Variants in SLC14A2 observed in about 807,000 individuals in gnomAD.
SLC14A2 encodes the protein solute carrier family 14 member 2.
A neutral mutation model predicts 104.6 loss-of-function variants in SLC14A2; 91 were observed. That is an observed-to-expected ratio of 0.87 (90% CI 0.73 to 1.04). The LOEUF is 1.04. Among genes scored for constraint, SLC14A2 ranks in the 50% least tolerant of loss-of-function variants. The pLI, the probability that SLC14A2 is intolerant of heterozygous loss-of-function variation, is 0.00. For synonymous variants in SLC14A2, 476 were observed against 466.4 expected (o/e 1.02, Z -0.27); for missense variants, 1,189 against 1,156.0 (o/e 1.03, Z -0.41).
chr18:45,285,427 T>C (rs1411512024), intron 1 of SLC14A2, among the ~76,000 whole-genome samples: 8 of 150,884 alleles, frequency 5.3e-5, no homozygotes, highest in Admixed American at 5.3e-4. Flanking sequence ...ACAGATTAAA[T>C]TTTTTTTTTG....
the SLC14A2 span, among the ~76,000 whole-genome samples, chr18:45,178,293 A>G: frequency 6.6e-6 from 1 of 152,242 alleles, no homozygotes; most frequent in South Asian, 2.1e-4. Context: ...CTTAAGCACT[A>G]GAATTCAGTC....
At chr18:45,679,152 A>G (rs1202829522) in intron 19 of SLC14A2, 128 bp downstream of exon 19, 4 of 832,386 alleles carry the variant, frequency 4.8e-6, no homozygotes, top group Middle Eastern at 2.3e-4. Flanking sequence ...ATTTCAAGTC[A>G]CACTACTCAC....
chr18:45,538,251 A>G (rs2043825601), intron 2 of SLC14A2, among the ~76,000 whole-genome samples: 1 of 152,134 alleles, frequency 6.6e-6, no homozygotes, highest in Admixed American at 6.5e-5. Flanking sequence ...GATGCAGGAG[A>G]GCCTTTGAAA....
intron 1 of SLC14A2, among the ~76,000 whole-genome samples, chr18:45,417,388 T>C (rs1436687188): frequency 6.6e-6 from 1 of 152,206 alleles, no homozygotes; most frequent in Non-Finnish European, 1.5e-5. Context: ...GGGTAATTTA[T>C]AAAAGAAGGA....
At chr18:45,533,679 T>G (rs2043736511) in intron 2 of SLC14A2, among the ~76,000 whole-genome samples, 1 of 152,210 alleles carries the variant, frequency 6.6e-6, no homozygotes. Context: ...TTTGAAGGGT[T>G]TTTTGTGTCT....
At chr18:45,682,287 G>A (rs2046321514) in intron 19 of SLC14A2, 32 bp from the exon 20 acceptor site, 3 of 1,606,462 alleles carry the variant, frequency 1.9e-6, no homozygotes, top group Non-Finnish European at 2.6e-6. Context: ...CACCTGATGT[G>A]ACCAAGGCTT....
chr18:45,178,466 A>C, the SLC14A2 span, among the ~76,000 whole-genome samples: 15 of 152,300 alleles, frequency 9.8e-5, no homozygotes, highest in East Asian at 2.7e-3. Context: ...ATAAGCCAGT[A>C]ATTTAGAGAA....
At chr18:45,267,052 A>G (rs1174762836) in intron 1 of SLC14A2, among the ~76,000 whole-genome samples, 2 of 152,160 alleles carry the variant, frequency 1.3e-5, no homozygotes, top group Non-Finnish European at 2.9e-5. Flanking sequence ...CTCCAATCAT[A>G]CTAGTAATGC....
At chr18:45,465,130 A>C (rs1013165842) in intron 1 of SLC14A2, among the ~76,000 whole-genome samples, 2 of 152,220 alleles carry the variant, frequency 1.3e-5, no homozygotes, top group Non-Finnish European at 2.9e-5. Flanking sequence ...GAAAAAACAC[A>C]TACAGAGTGA....
chr18:45,387,137 A>T (rs1391117674), intron 1 of SLC14A2, among the ~76,000 whole-genome samples: 3 of 152,190 alleles, frequency 2.0e-5, no homozygotes, highest in Non-Finnish European at 1.5e-5. Flanking sequence ...CTCTCTCCAT[A>T]AGAATTTTGC....
intron 2 of SLC14A2, among the ~76,000 whole-genome samples, chr18:45,536,207 G>A (rs980477044): frequency 6.6e-6 from 1 of 152,200 alleles, no homozygotes; most frequent in Non-Finnish European, 1.5e-5. Flanking sequence ...TGTTAATGCT[G>A]AGAGATGGCT....
At chr18:45,476,996 C>A (rs904149735) in intron 1 of SLC14A2, among the ~76,000 whole-genome samples, 1 of 152,194 alleles carries the variant, frequency 6.6e-6, no homozygotes, top group African/African-American at 2.4e-5. Context: ...ATTCATCAAA[C>A]TCATTCTCCA....
intron 4 of SLC14A2, among the ~76,000 whole-genome samples, chr18:45,629,877 T>C (rs769831795): frequency 4.6e-5 from 7 of 152,218 alleles, no homozygotes; most frequent in Non-Finnish European, 1.0e-4. Flanking sequence ...CTACAGTACC[T>C]AGTGCTCAAT....
chr18:45,652,366 G>A (rs918476693), intron 10 of SLC14A2, among the ~76,000 whole-genome samples: 6 of 152,188 alleles, frequency 3.9e-5, no homozygotes, highest in African/African-American at 1.4e-4. Context: ...CCAAGAAGGG[G>A]GCAAGGGGGA....
At chr18:45,376,579 C>T (rs1294236730) in intron 1 of SLC14A2, among the ~76,000 whole-genome samples, 1 of 152,176 alleles carries the variant, frequency 6.6e-6, no homozygotes, top group Non-Finnish European at 1.5e-5. Context: ...AAAATCATTT[C>T]AGGCTACTCT....
chr18:45,287,956 C>T (rs567013896), intron 1 of SLC14A2, among the ~76,000 whole-genome samples: 4 of 152,324 alleles, frequency 2.6e-5, no homozygotes, highest in East Asian at 3.9e-4. Flanking sequence ...CAGAGTAACT[C>T]GCCTGCAGTC....
intron 2 of SLC14A2, among the ~76,000 whole-genome samples, chr18:45,542,045 T>TTTTG (rs2043894675): frequency 1.6e-5 from 2 of 121,806 alleles, no homozygotes; most frequent in Non-Finnish European, 3.6e-5. Context: ...GTTTTTTTTT[T>TTTTG]TTTTTTTTTT....
At chr18:45,661,295 G>A (rs1214787612) in intron 10 of SLC14A2, among the ~76,000 whole-genome samples, 1 of 152,196 alleles carries the variant, frequency 6.6e-6, no homozygotes, top group Admixed American at 6.5e-5. Context: ...TAACTTTCCA[G>A]GTAGATGTTG....
the SLC14A2 span, among the ~76,000 whole-genome samples, chr18:45,203,718 C>A: frequency 6.6e-6 from 1 of 152,168 alleles, no homozygotes; most frequent in African/African-American, 2.4e-5. Flanking sequence ...TTCAACAGCA[C>A]CCCCATACCC....
Sources: allele counts gnomAD v4.1 joint callset (sites outside exome capture counted in the v4.1 genomes callset), GRCh38; gene constraint gnomAD v4.1.1; transcripts MANE v1.5; gene names NCBI Gene and HGNC (gene_info 2026-07-23, HGNC 2026-07-21).